Variants in ARHGAP15 observed in about 807,000 individuals in gnomAD.
ARHGAP15 encodes the protein Rho GTPase activating protein 15.
In ARHGAP15, 51 loss-of-function variants were observed where a neutral mutation model predicts 63.7. The ratio of observed to expected loss-of-function variants is 0.80; its 90% CI spans 0.64 to 1.01. The LOEUF is 1.01. Ranked by LOEUF, ARHGAP15 falls within the 50% of genes least tolerant of loss-of-function variation. The pLI is 0.00. For synonymous variants in ARHGAP15, 191 were observed against 193.8 expected (o/e 0.99, Z 0.12); for missense variants, 560 against 564.6 (o/e 0.99, Z 0.08).
At chr2:143,585,422 A>G (rs1697073870) in intron 11 of ARHGAP15, among the ~76,000 whole-genome samples, 3 of 152,162 alleles carry the variant, frequency 2.0e-5, no homozygotes, top group Non-Finnish European at 4.4e-5. Flanking sequence ...ATAAATAAAT[A>G]TCTTAATATT....
chr2:143,536,760 A>G (rs530142542), intron 10 of ARHGAP15, among the ~76,000 whole-genome samples: 63 of 151,460 alleles, frequency 4.2e-4, no homozygotes, highest in Admixed American at 2.7e-3. Flanking sequence ...CATTTTCTTA[A>G]TCCAGTCTAT....
chr2:143,281,032 G>T (rs1214746768), intron 6 of ARHGAP15, among the ~76,000 whole-genome samples: 1 of 152,046 alleles, frequency 6.6e-6, no homozygotes. Context: ...TAGACACTAA[G>T]AACTTATGCT....
At chr2:143,152,666 C>T (rs557995294) in intron 1 of ARHGAP15, among the ~76,000 whole-genome samples, 1 of 152,028 alleles carries the variant, frequency 6.6e-6, no homozygotes, top group African/African-American at 2.4e-5. Flanking sequence ...TCTCTATCTT[C>T]CCAGAGCAAT....
chr2:143,558,521 G>A (rs13412930), intron 11 of ARHGAP15, among the ~76,000 whole-genome samples: 77,300 of 151,904 alleles, frequency 0.51, 20,679 homozygotes, highest in Non-Finnish European at 0.6. Flanking sequence ...AAATGTACTC[G>A]GTGATTGTAT....
In ARHGAP15 at chr2:143,413,966, T is replaced by TGCGCGTGCGC. The variant is rs1553476594; in HGVS notation, c.475-21630_475-21629insTGCGCGCGCG. 9.3e-5 allele frequency among the ~76,000 whole-genome samples: 11 copies of TGCGCGTGCGC among 117,910 alleles called. 1 individual carries two copies. Among genetic ancestry groups the TGCGCGTGCGC allele is most frequent in the Non-Finnish European group, 1.7e-5 (1 of 58,682 alleles). 77.4% of individuals were successfully genotyped at this position (117,910 alleles called of 152,430 possible). Reference sequence around the variant, plus strand: ...GTGTGTGTGTGTGTGTGTGTGTGTGTGCGCGCTCTCTGGCAGAAAGTTAAT... The same window carrying TGCGCGTGCGC: ...GTGTGTGTGTGTGTGTGTGTGTGTGTGCGCGTGCGCGCGCGCTCTCTGGCAGAAAGTTAAT... On this transcript the variant is annotated intron_variant, in intron 6 of 13. Coordinates refer to ENST00000295095, the MANE Select transcript of ARHGAP15 (RefSeq NM_018460.4).
intron 2 of ARHGAP15, among the ~76,000 whole-genome samples, chr2:143,179,629 T>C (rs763246653): frequency 2.0e-5 from 3 of 152,238 alleles, no homozygotes; most frequent in Non-Finnish European, 4.4e-5. Flanking sequence ...GGCTCATGTC[T>C]GTAATCCCAA....
intron 12 of ARHGAP15, among the ~76,000 whole-genome samples, chr2:143,627,516 A>G (rs571569801): frequency 1.3e-5 from 2 of 152,200 alleles, no homozygotes; most frequent in Non-Finnish European, 2.9e-5. Flanking sequence ...CATGTGTACC[A>G]ATTGTACTAA....
chr2:143,297,083 C>T (rs1254794233), intron 6 of ARHGAP15, among the ~76,000 whole-genome samples: 1 of 151,900 alleles, frequency 6.6e-6, no homozygotes, highest in Non-Finnish European at 1.5e-5. Context: ...CAGTATCTTC[C>T]TGAGGGGGAG....
chr2:143,710,691 G>C (rs1684542384), intron 13 of ARHGAP15, among the ~76,000 whole-genome samples: 1 of 152,114 alleles, frequency 6.6e-6, no homozygotes, highest in Non-Finnish European at 1.5e-5. Flanking sequence ...AACTGTATGA[G>C]GGTATTTCCC....
intron 3 of ARHGAP15, among the ~76,000 whole-genome samples, chr2:143,209,217 AC>A (rs1692474224): frequency 1.3e-5 from 2 of 152,096 alleles, no homozygotes; most frequent in Non-Finnish European, 2.9e-5. Flanking sequence ...TCAAAATTCT[AC>A]CTGGGTAAGA....
intron 10 of ARHGAP15, among the ~76,000 whole-genome samples, chr2:143,525,630 T>A (rs1361193494): frequency 6.6e-6 from 1 of 152,132 alleles, no homozygotes; most frequent in Non-Finnish European, 1.5e-5. Flanking sequence ...TGTTTTGTTC[T>A]GTTTTGTTTT....
At chr2:143,337,703 A>G (rs1684869398) in intron 6 of ARHGAP15, among the ~76,000 whole-genome samples, 2 of 152,178 alleles carry the variant, frequency 1.3e-5, no homozygotes, top group Admixed American at 6.6e-5. Flanking sequence ...ACTCCAGGTC[A>G]ACTAAATTCA....
At chr2:143,200,765 C>A (rs1692080193) in intron 2 of ARHGAP15, among the ~76,000 whole-genome samples, 1 of 151,884 alleles carries the variant, frequency 6.6e-6, no homozygotes, top group South Asian at 2.1e-4. Context: ...TTAATTTGTT[C>A]TAAAAGTACA....
chr2:143,582,230 A>AG (rs893508556), intron 11 of ARHGAP15, among the ~76,000 whole-genome samples: 3 of 152,128 alleles, frequency 2.0e-5, no homozygotes, highest in Non-Finnish European at 4.4e-5. Flanking sequence ...TGTTTTTATT[A>AG]GGGGGGCAGG....
intron 11 of ARHGAP15, among the ~76,000 whole-genome samples, chr2:143,620,777 G>C (rs1698617166): frequency 6.6e-6 from 1 of 152,220 alleles, no homozygotes; most frequent in Admixed American, 6.5e-5. Context: ...ATTAGATAAT[G>C]AATGTAGAGT....
intron 6 of ARHGAP15, among the ~76,000 whole-genome samples, chr2:143,407,995 A>ATATATATATC (rs1688278592): frequency 1.6e-5 from 1 of 62,120 alleles, no homozygotes; most frequent in Non-Finnish European, 2.9e-5. Flanking sequence ...GTGTATATAT[A>ATATATATATC]TATATATATA....
At chr2:143,627,999 TC>T (rs1407154006) in intron 12 of ARHGAP15, among the ~76,000 whole-genome samples, 2 of 151,962 alleles carry the variant, frequency 1.3e-5, no homozygotes, top group Non-Finnish European at 2.9e-5. Flanking sequence ...CATCTAGTTG[TC>T]CCCAGTGTCT....
intron 6 of ARHGAP15, among the ~76,000 whole-genome samples, chr2:143,387,975 C>CT (rs1687371569): frequency 6.6e-6 from 1 of 152,014 alleles, no homozygotes; most frequent in Non-Finnish European, 1.5e-5. Context: ...TAGAAGATCT[C>CT]TTAAACAGGC....
At chr2:143,732,244 A>C (rs531089006) in intron 13 of ARHGAP15, among the ~76,000 whole-genome samples, 7 of 152,330 alleles carry the variant, frequency 4.6e-5, no homozygotes, top group African/African-American at 1.7e-4. Flanking sequence ...ACATGGAGGT[A>C]AAATGACTCA....
Sources: allele counts gnomAD v4.1 joint callset (sites outside exome capture counted in the v4.1 genomes callset), GRCh38; gene constraint gnomAD v4.1.1; transcripts MANE v1.5; gene names NCBI Gene and HGNC (gene_info 2026-07-23, HGNC 2026-07-21).